Variants in MROH9 observed in about 807,000 individuals in gnomAD.
MROH9 encodes maestro heat-like repeat-containing protein family member 9.
Under a neutral mutation model 98.2 loss-of-function variants are expected in MROH9, and 92 were observed. The observed-to-expected ratio is 0.94, with a 90% CI of 0.79 to 1.11. The LOEUF (loss-of-function observed/expected upper bound fraction) is 1.11, where lower values mean the gene tolerates loss of function less well. Among genes scored for constraint, MROH9 ranks in the 50% most tolerant of loss-of-function variants. The pLI is 0.00. For missense variants in MROH9, 1,057 were observed against 1,014.8 expected, an observed-to-expected ratio of 1.04 and a Z score of -0.57; for synonymous variants, 397 against 368.9, an observed-to-expected ratio of 1.08 and a Z score of -0.87.
At chr1:170,990,545 C>T (rs1414293567) in intron 11 of MROH9, among the ~76,000 whole-genome samples, 4 of 152,084 alleles carry the variant, frequency 2.6e-5, no homozygotes, top group African/African-American at 9.7e-5. Context: ...GTCTATGGGA[C>T]AATATGAACC....
chr1:171,059,361 A>G (rs1445655724), intron 20 of MROH9, among the ~76,000 whole-genome samples: 1 of 152,200 alleles, frequency 6.6e-6, no homozygotes, highest in Non-Finnish European at 1.5e-5. Context: ...ACCAGTAAGA[A>G]TGGTGATTAT....
chr1:171,024,923 G>A (rs1201764177), intron 19 of MROH9, among the ~76,000 whole-genome samples, 158 bp downstream of exon 19: 1 of 152,154 alleles, frequency 6.6e-6, no homozygotes, highest in African/African-American at 2.4e-5. Context: ...AGCTTGAGCC[G>A]AGAGGAATTA....
At chr1:171,027,683 T>C (rs901998597) in intron 20 of MROH9, among the ~76,000 whole-genome samples, 1 of 152,188 alleles carries the variant, frequency 6.6e-6, no homozygotes, top group Non-Finnish European at 1.5e-5. Flanking sequence ...AGTGTAAAAG[T>C]GTTCCTATTT....
chr1:170,996,524 T>C lies in MROH9; in HGVS notation c.1355T>C (p.Leu452Pro), dbSNP rs1651573551. The change falls in exon 14 of 22, where the codon CTG becomes CCG. Residue 452 changes from leucine to proline, a missense_variant. Leu to Pro is a moderately conservative substitution (Grantham distance 98, BLOSUM62 -3). Transcript: ENST00000367759. Reference protein sequence around the residue: ...KDRALYAQDALRVLLNCSGLQ... With the variant: ...KDRALYAQDAPRVLLNCSGLQ... Reference sequence around the variant, plus strand: ...GGCTTTAGGTATGCCCAGGATGCCCTGAGAGTTCTGCTGAATTGTTCTGGA... The same window carrying C: ...GGCTTTAGGTATGCCCAGGATGCCCCGAGAGTTCTGCTGAATTGTTCTGGA... 1.2e-6 allele frequency: 2 copies of C among 1,612,864 alleles called. No individual in the cohort carries two copies. Among genetic ancestry groups the C allele is most frequent in the Non-Finnish European group, 1.7e-6 (2 of 1,179,194 alleles).
intron 20 of MROH9, among the ~76,000 whole-genome samples, chr1:171,030,196 G>C (rs1481832249): frequency 6.6e-6 from 1 of 151,712 alleles, no homozygotes; most frequent in African/African-American, 2.4e-5. Flanking sequence ...TTCTACATTA[G>C]TTTAGCTAGT....
intron 1 of MROH9, among the ~76,000 whole-genome samples, chr1:170,936,608 TA>T (rs1233317170): frequency 1.3e-5 from 2 of 152,208 alleles, no homozygotes; most frequent in African/African-American, 4.8e-5. Flanking sequence ...TAATATTAAC[TA>T]ACCATAATGA....
intron 15 of MROH9, among the ~76,000 whole-genome samples, chr1:171,007,975 T>C (rs1437245353): frequency 6.6e-6 from 1 of 152,212 alleles, no homozygotes; most frequent in Non-Finnish European, 1.5e-5. Context: ...TCCACCATGT[T>C]TTTGCAACCT....
At chr1:171,062,044 A>G in intron 20 of MROH9, 88 bp from the exon 21 acceptor site, 1 of 827,464 alleles carries the variant, frequency 1.2e-6, no homozygotes. Context: ...TTTGCTTTGA[A>G]AAAAGCAAAG....
Position 170,946,106 on chromosome 1 carries a change from G to A in MROH9, c.25+525G>A, listed in dbSNP as rs1649322396. ...TCAAAATAAAACAAAACAAATCTAA[G>A]GAATGCAGAAATAAAATGACCCACA... is the stretch of plus-strand genomic sequence containing the variant. On this transcript the variant is annotated intron_variant, in intron 2 of 21. Coordinates refer to ENST00000367759, the MANE Select transcript of MROH9 (RefSeq NM_001163629.2). Among the ~76,000 whole-genome samples the A allele has an allele frequency of 2.0e-5, 3 of 151,618 alleles. No homozygotes were observed. In the South Asian group the frequency reaches 6.2e-4, roughly 31 times the overall value.
At chr1:170,977,736 G>A (rs908808819) in intron 8 of MROH9, among the ~76,000 whole-genome samples, 1 of 152,186 alleles carries the variant, frequency 6.6e-6, no homozygotes, top group African/African-American at 2.4e-5. Context: ...CAAGGTTTAT[G>A]TTTCCTCCCC....
At chr1:170,998,824 T>C (rs1164957072) in intron 15 of MROH9, 4 of 858,854 alleles carry the variant, frequency 4.7e-6, no homozygotes, top group Non-Finnish European at 5.6e-6. Context: ...ATCTAATTTT[T>C]TCATTAAAAT....
chr1:170,940,250 TGAGA>T (rs1439518017), intron 1 of MROH9, among the ~76,000 whole-genome samples: 3 of 152,216 alleles, frequency 2.0e-5, no homozygotes, highest in Non-Finnish European at 4.4e-5. Context: ...GAAATTTCAC[TGAGA>T]TAGAAGGCCT....
chr1:171,026,790 GATGAAAGT>G (rs758174731), intron 20 of MROH9, among the ~76,000 whole-genome samples: 8 of 152,166 alleles, frequency 5.3e-5, no homozygotes, highest in Non-Finnish European at 1.0e-4. Flanking sequence ...CGATAGAGCA[GATGAAAGT>G]TATGATAAAT....
In MROH9 at chr1:171,025,361, C is replaced by T; in HGVS notation, c.2222C>T (p.Thr741Ile). 6.5e-7 allele frequency: 1 copy of T among 1,550,262 alleles called. No homozygotes were observed. Among genetic ancestry groups the T allele is most frequent in the Non-Finnish European group, 8.7e-7 (1 of 1,145,916 alleles). Residue 741 changes from threonine to isoleucine, a missense_variant, in exon 20 of 22, where the codon ACC becomes ATC. Thr to Ile is a moderately conservative substitution (Grantham distance 89). Transcript: ENST00000367759. ...TACATTACAGATTTGACATCTGATA[C>T]CTTACGATTCCTGTGGAGCCCCAGA... ...RNYITDLTSD[T>I]LRFLWSPRTY...
At chr1:170,988,802 AT>A (rs1651244673) in intron 10 of MROH9, among the ~76,000 whole-genome samples, 1 of 152,168 alleles carries the variant, frequency 6.6e-6, no homozygotes, top group Admixed American at 6.6e-5. Context: ...ACAGACCATC[AT>A]TTTTATAACT....
At chr1:170,950,165 G>T (rs1363752481) in intron 3 of MROH9, among the ~76,000 whole-genome samples, 1 of 151,984 alleles carries the variant, frequency 6.6e-6, no homozygotes, top group Non-Finnish European at 1.5e-5. Flanking sequence ...CACAGTTGCT[G>T]GTCTAAGCAC....
chr1:170,959,452 T>A lies in MROH9; in HGVS notation c.153-10T>A. ...TCTCATCATTAATAATTGCTCCTTT[T>A]TCTTGTCAGCTTTGTGGATCCCTTA... is the stretch of plus-strand genomic sequence containing the variant. On this transcript the variant is annotated splice_polypyrimidine_tract_variant and intron_variant, in intron 4 of 21. Transcript: ENST00000367759. 3 of 1,587,390 alleles carry A rather than the reference T, an allele frequency of 1.9e-6. No individual in the cohort carries two copies. The highest frequency in any genetic ancestry group is 1.7e-6 in the Non-Finnish European group (2 of 1,170,506).
intron 3 of MROH9, among the ~76,000 whole-genome samples, chr1:170,949,268 G>A (rs777567258): frequency 1.2e-4 from 19 of 152,026 alleles, no homozygotes; most frequent in Non-Finnish European, 2.2e-4. Flanking sequence ...ACTTCCACAA[G>A]TTGTGGAAAG....
chr1:170,941,554 T>C (rs1159383365), intron 1 of MROH9, among the ~76,000 whole-genome samples: 1 of 152,210 alleles, frequency 6.6e-6, no homozygotes, highest in Admixed American at 6.5e-5. Flanking sequence ...CAGACTATTT[T>C]GACTGCTGCT....
Sources: allele counts gnomAD v4.1 joint callset (sites outside exome capture counted in the v4.1 genomes callset), GRCh38; gene constraint gnomAD v4.1.1; transcripts MANE v1.5; gene names NCBI Gene and HGNC (gene_info 2026-07-23, HGNC 2026-07-21).